Variants in FAM110B observed in about 807,000 individuals in gnomAD.
FAM110B encodes family with sequence similarity 110 member B.
FAM110B carries 6 observed loss-of-function variants against 20.4 expected under a neutral mutation model. The ratio of observed to expected loss-of-function variants is 0.29; its 90% CI spans 0.16 to 0.58. The LOEUF (loss-of-function observed/expected upper bound fraction) is 0.58, where lower values mean the gene tolerates loss of function less well. Ranked by LOEUF, FAM110B falls within the 20% of genes least tolerant of loss-of-function variation. The pLI, the probability that FAM110B is intolerant of heterozygous loss-of-function variation, is 0.90. For synonymous variants in FAM110B, 226 were observed against 214.1 expected (o/e 1.06, Z -0.49); for missense variants, 434 against 498.2 (o/e 0.87, Z 1.23).
At chr8:58,018,716 G>C (rs984267382) in intron 1 of FAM110B, among the ~76,000 whole-genome samples, 5 of 151,704 alleles carry the variant, frequency 3.3e-5, no homozygotes, top group Admixed American at 1.3e-4. Context: ...CCTCACTTTG[G>C]CTTAATCTAG....
chr8:58,004,553 T>C (rs1233240631), intron 1 of FAM110B, among the ~76,000 whole-genome samples: 1 of 152,220 alleles, frequency 6.6e-6, no homozygotes, highest in Non-Finnish European at 1.5e-5. Flanking sequence ...AAGACCAGCC[T>C]GGCCAACATG....
intron 3 of FAM110B, among the ~76,000 whole-genome samples, chr8:58,115,603 A>AT (rs1174342379): frequency 1.3e-5 from 2 of 152,108 alleles, no homozygotes; most frequent in Non-Finnish European, 2.9e-5. Flanking sequence ...CATGTTGGCC[A>AT]TGCTGGTCTC....
chr8:58,137,676 G>A (rs1349969815), intron 3 of FAM110B, among the ~76,000 whole-genome samples: 2 of 152,150 alleles, frequency 1.3e-5, no homozygotes, highest in Non-Finnish European at 2.9e-5. Flanking sequence ...AGGAATCATG[G>A]TTATCAATGT....
chr8:58,133,512 G>T (rs1433796085), intron 3 of FAM110B, among the ~76,000 whole-genome samples: 1 of 152,186 alleles, frequency 6.6e-6, no homozygotes, highest in Non-Finnish European at 1.5e-5. Context: ...TAAGGCAAGA[G>T]CCCAGGAGGA....
intron 1 of FAM110B, among the ~76,000 whole-genome samples, chr8:58,022,920 G>A (rs1804785422): frequency 6.6e-6 from 1 of 152,206 alleles, no homozygotes; most frequent in African/African-American, 2.4e-5. Flanking sequence ...GCCCTCGCAG[G>A]TGATGAACCC....
chr8:58,049,189 G>A (rs1051658906), intron 2 of FAM110B, among the ~76,000 whole-genome samples: 9 of 152,266 alleles, frequency 5.9e-5, no homozygotes, highest in African/African-American at 1.9e-4. Flanking sequence ...TTTCTGGGGA[G>A]TAAGCTTGGT....
chr8:58,015,265 G>A (rs189881252), intron 1 of FAM110B, among the ~76,000 whole-genome samples: 1 of 152,214 alleles, frequency 6.6e-6, no homozygotes, highest in East Asian at 1.9e-4. Flanking sequence ...GCTGAAGCAG[G>A]GCAATCGCTT....
At position 57,994,557 on chromosome 8, in the gene FAM110B, C is replaced by A. The variant is rs531985676; in HGVS notation, c.-761C>A. 26 of 152,272 alleles carry A rather than the reference C, an allele frequency of 1.7e-4. No homozygotes were observed. Among genetic ancestry groups the A allele is most frequent in the African/African-American group, 6.3e-4 (26 of 41,542 alleles). The allele number at this position is 152,272 out of a possible 1,614,324, so 9.4% of individuals were successfully genotyped here. ...CGAAGCCTGCCTGAGCCCTCCCACT[C>A]GGTGCAGACCGAACCATCGCGGCCG... On this transcript the variant is annotated 5_prime_UTR_variant, in exon 1 of 4. Coordinates refer to ENST00000519262, the MANE Select transcript of FAM110B (RefSeq NM_001377989.1).
chr8:58,137,215 T>C (rs769724685), intron 3 of FAM110B, among the ~76,000 whole-genome samples: 7 of 152,180 alleles, frequency 4.6e-5, no homozygotes, highest in African/African-American at 1.4e-4. Flanking sequence ...TGAAATCTAA[T>C]GATGGTGATT....
At chr8:58,019,336 C>CAAA (rs61622368) in intron 1 of FAM110B, among the ~76,000 whole-genome samples, 14 of 78,368 alleles carry the variant, frequency 1.8e-4, no homozygotes, top group South Asian at 6.1e-4. Flanking sequence ...GACTCTGTCT[C>CAAA]AAAAAAAAAA....
intron 3 of FAM110B, among the ~76,000 whole-genome samples, chr8:58,076,517 G>A (rs1390443129): frequency 6.6e-6 from 1 of 152,118 alleles, no homozygotes; most frequent in Non-Finnish European, 1.5e-5. Flanking sequence ...CTCCTTTCTG[G>A]TCCCCACAGC....
chr8:58,048,151 C>CT (rs898196743), intron 2 of FAM110B, among the ~76,000 whole-genome samples: 19 of 152,138 alleles, frequency 1.2e-4, no homozygotes, highest in African/African-American at 4.3e-4. Context: ...AAACAGCAGT[C>CT]TGTAGTGGTT....
At chr8:58,023,683 A>G (rs1265470744) in intron 1 of FAM110B, among the ~76,000 whole-genome samples, 1 of 152,190 alleles carries the variant, frequency 6.6e-6, no homozygotes, top group African/African-American at 2.4e-5. Context: ...ACTTTACTAT[A>G]AACTCTGTGT....
At chr8:58,017,944 A>G (rs973873921) in intron 1 of FAM110B, among the ~76,000 whole-genome samples, 1 of 152,154 alleles carries the variant, frequency 6.6e-6, no homozygotes, top group African/African-American at 2.4e-5. Context: ...TATTCAAAAG[A>G]GTGTTTTGTT....
intron 3 of FAM110B, among the ~76,000 whole-genome samples, chr8:58,083,497 T>A (rs1229009614): frequency 6.6e-6 from 1 of 152,258 alleles, no homozygotes; most frequent in African/African-American, 2.4e-5. Context: ...ATTCATTTTT[T>A]AAATTTTGCT....
At chr8:58,026,750 G>A (rs1563500879) in intron 1 of FAM110B, among the ~76,000 whole-genome samples, 1 of 152,168 alleles carries the variant, frequency 6.6e-6, no homozygotes. Context: ...AGAGGTAAAG[G>A]TAGTGCAGAT....
rs1169646687 is a variant in FAM110B at position 58,148,276 on chromosome 8, T to G, written c.*933T>G. On this transcript the variant is annotated 3_prime_UTR_variant, in exon 4 of 4. Coordinates refer to ENST00000519262, the MANE Select transcript of FAM110B (RefSeq NM_001377989.1). ...GAAGGGAGTGAGGCTTGTGCAGATT[T>G]GAGCTATCTGAAGACATGAACAGAA... is the stretch of plus-strand genomic sequence containing the variant. 1 of 166,704 alleles carries G rather than the reference T, an allele frequency of 6.0e-6. No homozygotes were observed. Among genetic ancestry groups the G allele is most frequent in the African/African-American group, 2.4e-5 (1 of 41,268 alleles). The allele number at this position is 166,704 out of a possible 1,614,324, so 10.3% of individuals were successfully genotyped here.
In FAM110B at chr8:58,128,050, T is replaced by TA. The variant is rs549897639; in HGVS notation, c.-324-17852dup. Reference sequence around the variant, plus strand: ...CACAAGTACTGTCAGTATGTCCAATTAAAAATAACCGTTTTACTATAAAAA... The same window carrying TA: ...CACAAGTACTGTCAGTATGTCCAATTAAAAAATAACCGTTTTACTATAAAAA... On this transcript the variant is annotated intron_variant, in intron 3 of 3. Coordinates refer to ENST00000519262, the MANE Select transcript of FAM110B (RefSeq NM_001377989.1). Among the ~76,000 whole-genome samples the TA allele has an allele frequency of 2.6e-3, 394 of 152,334 alleles. 2 individuals are homozygous for TA. The highest frequency in any genetic ancestry group is 0.013 in the South Asian group (61 of 4,830).
rs376100419 is a variant in FAM110B, at chr8:58,147,329, G to T, written c.1099G>T (p.Val367Phe). 1.9e-6 allele frequency: 3 copies of T among 1,613,540 alleles called. No individual in the cohort carries two copies. The highest frequency in any genetic ancestry group is 2.7e-5 in the African/African-American group (2 of 75,058). The change falls in exon 4 of 4, where the codon GTC becomes TTC. Residue 367 changes from valine (V) to phenylalanine (F), a missense_variant. Val to Phe is a conservative substitution (Grantham distance 50). This residue lies in a region of FAM110B where 94 missense variants were observed against 137.8 expected (regional missense o/e 0.68). Transcript: ENST00000519262. ...CAAACAAGCTAGAGAGTCACAGAAG[G>T]TCTCCCATGTGTAAGACAGTGCGTG... ...SIKQARESQK[V>F]SHV
Sources: allele counts gnomAD v4.1 joint callset (sites outside exome capture counted in the v4.1 genomes callset), GRCh38; gene constraint gnomAD v4.1.1; regional missense constraint gnomAD v4.1.1; transcripts MANE v1.5; gene names NCBI Gene and HGNC (gene_info 2026-07-23, HGNC 2026-07-21).